Variants in C14orf39 observed in about 807,000 individuals in gnomAD.
The protein encoded by C14orf39 is protein SIX6OS1.
Under a neutral mutation model 85.6 loss-of-function variants are expected in C14orf39, and 66 were observed. The observed-to-expected ratio is 0.77, with a 90% CI of 0.63 to 0.95. The LOEUF is 0.95. Among genes scored for constraint, C14orf39 ranks in the 40% least tolerant of loss-of-function variants. The probability of loss-of-function intolerance (pLI) is 0.00; values close to 1 mark genes in which losing one functional copy is unlikely to be tolerated. For synonymous variants in C14orf39, 242 were observed against 214.0 expected (o/e 1.13, Z -1.14); for missense variants, 735 against 663.9 (o/e 1.11, Z -1.18).
intron 5 of C14orf39, among the ~76,000 whole-genome samples, chr14:60,474,848 T>C (rs76163472): frequency 0.17 from 26,526 of 152,126 alleles, 3,024 homozygotes; most frequent in East Asian, 0.54. Flanking sequence ...TCAGGGATTT[T>C]GGTCTAAAAT....
rs902963496 is a variant in C14orf39 at position 60,435,956 on chromosome 14, T to G, written c.*889A>C. The stretch of plus-strand genomic sequence containing the variant: ...ATCCATCAACAGTCACATCAAAATA[T>G]GGAGTCAAACCCTTTATTACTTGGT... On this transcript the variant is annotated 3_prime_UTR_variant, in exon 18 of 18. Transcript: ENST00000321731. The G allele has an allele frequency of 2.6e-5, 4 of 152,252 alleles. No individual in the cohort carries two copies. In the East Asian group the frequency reaches 7.7e-4, roughly 29 times the overall value. The allele number at this position is 152,252 out of a possible 1,614,324, so 9.4% of individuals were successfully genotyped here. A position where few individuals can be genotyped will look rare whatever the true frequency, so the allele number is the denominator to read the frequency against.
chr14:60,483,467 T>C (rs1003742374), intron 4 of C14orf39, among the ~76,000 whole-genome samples: 1 of 152,248 alleles, frequency 6.6e-6, no homozygotes, highest in Non-Finnish European at 1.5e-5. Context: ...CAAAAGTTTA[T>C]AGTTAGATTA....
intron 11 of C14orf39, 37 bp from the exon 12 acceptor site, chr14:60,461,630 C>T (rs1227669870): frequency 2.2e-6 from 3 of 1,386,596 alleles, no homozygotes. Flanking sequence ...CTTGGCTACA[C>T]AAAGCAATAA....
At chr14:60,461,217 G>A in intron 13 of C14orf39, 137 bp downstream of exon 13, 5 of 625,036 alleles carry the variant, frequency 8.0e-6, no homozygotes, top group Non-Finnish European at 1.4e-5. Flanking sequence ...ATTTAGGGAA[G>A]ATGTATTTTA....
At chr14:60,456,778 G>C in intron 15 of C14orf39, 139 bp downstream of exon 15, 1 of 662,770 alleles carries the variant, frequency 1.5e-6, no homozygotes, top group Non-Finnish European at 2.4e-6. Context: ...TGTTATATTA[G>C]TCTTTCTCTT....
intron 5 of C14orf39, among the ~76,000 whole-genome samples, chr14:60,474,880 C>T (rs1459099631): frequency 2.0e-5 from 3 of 152,044 alleles, no homozygotes; most frequent in Non-Finnish European, 4.4e-5. Flanking sequence ...GTTGTGTCTT[C>T]ACCAGGCTTT....
At chr14:60,479,944 T>C (rs1313897573) in intron 4 of C14orf39, among the ~76,000 whole-genome samples, 4 of 152,036 alleles carry the variant, frequency 2.6e-5, no homozygotes, top group Non-Finnish European at 5.9e-5. Context: ...CTCAACTTAA[T>C]AGAAAAAATA....
At chr14:60,448,343 A>G (rs954650568) in intron 16 of C14orf39, among the ~76,000 whole-genome samples, 3 of 152,212 alleles carry the variant, frequency 2.0e-5, no homozygotes. Flanking sequence ...AAACAAATTT[A>G]TAAGAAAAAA....
intron 1 of C14orf39, among the ~76,000 whole-genome samples, chr14:60,507,324 A>ATTCTCCTCCGCCTGCGTG (rs1566690119): frequency 1.3e-5 from 2 of 151,884 alleles, no homozygotes; most frequent in African/African-American, 4.8e-5. Flanking sequence ...TGCACCGCGG[A>ATTCTCCTCCGCCTGCGTG]TTCTCCTCCG....
At chr14:60,451,543 T>C (rs1257127419) in intron 16 of C14orf39, among the ~76,000 whole-genome samples, 1 of 151,972 alleles carries the variant, frequency 6.6e-6, no homozygotes, top group African/African-American at 2.4e-5. Flanking sequence ...TATAGGGACA[T>C]GGATGAAGCT....
intron 1 of C14orf39, among the ~76,000 whole-genome samples, chr14:60,502,713 G>A (rs886515519): frequency 1.3e-5 from 2 of 152,178 alleles, no homozygotes; most frequent in African/African-American, 2.4e-5. Flanking sequence ...CTGTCTGCCT[G>A]TATAATTCCC....
chr14:60,506,068 A>G (rs1221780120), intron 1 of C14orf39, among the ~76,000 whole-genome samples: 2 of 152,174 alleles, frequency 1.3e-5, no homozygotes, highest in Non-Finnish European at 2.9e-5. Context: ...TTTTTTCTCC[A>G]TATTTGCCCC....
chr14:60,478,192 G>A (rs368009262), intron 5 of C14orf39, 108 bp downstream of exon 5: 8,193 of 98,258 alleles, frequency 0.083, 40 homozygotes, highest in Middle Eastern at 0.048. Context: ...AAAAAAAAAA[G>A]AAACTCCTTG....
At chr14:60,447,599 G>A (rs1421638724) in intron 16 of C14orf39, among the ~76,000 whole-genome samples, 5 of 152,106 alleles carry the variant, frequency 3.3e-5, no homozygotes, top group East Asian at 1.9e-4. Flanking sequence ...ACTCAATATC[G>A]TGAAAATGGC....
chr14:60,443,476 G>A (rs1218454996), intron 16 of C14orf39, among the ~76,000 whole-genome samples: 1 of 152,188 alleles, frequency 6.6e-6, no homozygotes, highest in Non-Finnish European at 1.5e-5. Context: ...GGGGAGGGGT[G>A]TCTGCCATTG....
At chr14:60,463,843 G>A (rs2140097734) in intron 11 of C14orf39, among the ~76,000 whole-genome samples, 1 of 152,096 alleles carries the variant, frequency 6.6e-6, no homozygotes, top group African/African-American at 2.4e-5. Context: ...TGTATGTTGG[G>A]CACAAAGTTT....
intron 9 of C14orf39, among the ~76,000 whole-genome samples, chr14:60,467,976 A>G (rs550704717): frequency 6.6e-6 from 1 of 151,464 alleles, no homozygotes; most frequent in South Asian, 2.1e-4. Context: ...TCTCTATTTT[A>G]TCGCCATTAA....
intron 4 of C14orf39, 46 bp downstream of exon 4, chr14:60,483,645 C>T (rs1202484470): frequency 6.6e-7 from 1 of 1,526,666 alleles, no homozygotes; most frequent in Non-Finnish European, 8.9e-7. Flanking sequence ...ACTCAAAAAC[C>T]CTAAATAAAA....
intron 13 of C14orf39, among the ~76,000 whole-genome samples, chr14:60,459,075 T>C (rs1012766330): frequency 2.8e-4 from 42 of 151,800 alleles, no homozygotes; most frequent in Non-Finnish European, 3.5e-4. Flanking sequence ...GTTTGCTTTA[T>C]ATTGTTTTAT....
Sources: allele counts gnomAD v4.1 joint callset (sites outside exome capture counted in the v4.1 genomes callset), GRCh38; gene constraint gnomAD v4.1.1; transcripts MANE v1.5; gene names NCBI Gene and HGNC (gene_info 2026-07-23, HGNC 2026-07-21).